PPARGC1A: variants seen among roughly 807,000 people sequenced by gnomAD.
PPARGC1A encodes PPARG coactivator 1 alpha.
Under a neutral mutation model 88.7 loss-of-function variants are expected in PPARGC1A, and 25 were observed. That is an observed-to-expected ratio of 0.28 (90% CI 0.21 to 0.39). The LOEUF (loss-of-function observed/expected upper bound fraction) is 0.39, where lower values mean the gene tolerates loss of function less well. Ranked by LOEUF, PPARGC1A falls within the 10% of genes least tolerant of loss-of-function variation. The pLI, the probability that PPARGC1A is intolerant of heterozygous loss-of-function variation, is 1.00. For synonymous variants in PPARGC1A, 363 were observed against 355.6 expected, an observed-to-expected ratio of 1.02 and a Z score of -0.24; for missense variants, 880 against 968.7, an observed-to-expected ratio of 0.91 and a Z score of 1.22.
the PPARGC1A span, among the ~76,000 whole-genome samples, chr4:24,441,627 C>T: frequency 2.6e-4 from 40 of 151,814 alleles, no homozygotes; most frequent in Non-Finnish European, 5.3e-4. Flanking sequence ...GTCACCCCTA[C>T]AGCCCTGGCT....
At chr4:24,209,208 C>T in the PPARGC1A span, among the ~76,000 whole-genome samples, 1 of 152,142 alleles carries the variant, frequency 6.6e-6, no homozygotes, top group Non-Finnish European at 1.5e-5. Flanking sequence ...CTGATGGATA[C>T]AGGTTGGAAC....
At chr4:24,122,385 ATGTGTG>A in the PPARGC1A span, among the ~76,000 whole-genome samples, 39 of 106,004 alleles carry the variant, frequency 3.7e-4, no homozygotes, top group East Asian at 1.3e-3. Context: ...GTGTATGCGT[ATGTGTG>A]TGTGTGTGTG....
At chr4:24,217,126 G>A in the PPARGC1A span, among the ~76,000 whole-genome samples, 1 of 152,156 alleles carries the variant, frequency 6.6e-6, no homozygotes. Flanking sequence ...GTGAGCTAAG[G>A]ACATGAAGAG....
chr4:24,328,841 T>G, the PPARGC1A span, among the ~76,000 whole-genome samples: 1,005 of 152,312 alleles, frequency 6.6e-3, 14 homozygotes, highest in African/African-American at 0.022. Flanking sequence ...GCTTGGCCAT[T>G]CAGTCCATGA....
chr4:24,453,450 G>A, the PPARGC1A span, among the ~76,000 whole-genome samples: 1 of 152,338 alleles, frequency 6.6e-6, no homozygotes, highest in African/African-American at 2.4e-5. Context: ...AGCAAGAGAT[G>A]CAGGTCGACT....
chr4:23,834,576 T>G (rs1380428297), intron 2 of PPARGC1A, among the ~76,000 whole-genome samples: 1 of 152,064 alleles, frequency 6.6e-6, no homozygotes, highest in Non-Finnish European at 1.5e-5. Flanking sequence ...TGCCACCTAC[T>G]TCCATAAACT....
At chr4:24,387,794 A>G in the PPARGC1A span, among the ~76,000 whole-genome samples, 249 of 107,542 alleles carry the variant, frequency 2.3e-3, no homozygotes, top group African/African-American at 3.5e-3. Context: ...GAAAGAAAGA[A>G]AGAAAGAAAG....
chr4:24,430,460 A>C, the PPARGC1A span, among the ~76,000 whole-genome samples: 1 of 151,336 alleles, frequency 6.6e-6, no homozygotes, highest in Admixed American at 6.6e-5. Context: ...ACGGGGTTTC[A>C]CCGTGTTAGC....
the PPARGC1A span, among the ~76,000 whole-genome samples, chr4:24,108,503 G>A: frequency 0.02 from 3,098 of 152,162 alleles, 56 homozygotes; most frequent in Middle Eastern, 0.044. Flanking sequence ...AAATCAGGAG[G>A]TGGGCACCTA....
At position 23,825,439 on chromosome 4, in the gene PPARGC1A, A is replaced by G. The variant is rs572492041; in HGVS notation, c.758-931T>C. On this transcript the variant is annotated intron_variant, in intron 5 of 12. Transcript: ENST00000264867. Reference sequence around the variant, plus strand: ...GGTAGTTATTTATGTAATGAAAATCATAGTGTCAAAACCAAAAAGGTCTTT... The same window carrying G: ...GGTAGTTATTTATGTAATGAAAATCGTAGTGTCAAAACCAAAAAGGTCTTT... 3.9e-5 allele frequency among the ~76,000 whole-genome samples: 6 copies of G among 152,252 alleles called. No individual in the cohort carries two copies. In the South Asian group the frequency reaches 1.0e-3, roughly 26 times the overall value.
At chr4:23,843,355 A>G (rs1202501869) in intron 2 of PPARGC1A, among the ~76,000 whole-genome samples, 1 of 152,084 alleles carries the variant, frequency 6.6e-6, no homozygotes, top group African/African-American at 2.4e-5. Context: ...TGGGGTCCTG[A>G]GTACATCACT....
the PPARGC1A span, among the ~76,000 whole-genome samples, chr4:24,384,492 A>T: frequency 6.6e-6 from 1 of 151,680 alleles, no homozygotes; most frequent in Admixed American, 6.6e-5. Context: ...GACCCATCTC[A>T]CATGCAAAGA....
chr4:24,019,980 A>G, the PPARGC1A span, among the ~76,000 whole-genome samples: 18 of 152,324 alleles, frequency 1.2e-4, no homozygotes, highest in Non-Finnish European at 7.3e-5. Flanking sequence ...GCAACTGGCT[A>G]ATCAGCACAC....
chr4:24,360,919 G>A, the PPARGC1A span, among the ~76,000 whole-genome samples: 4 of 152,102 alleles, frequency 2.6e-5, no homozygotes, highest in African/African-American at 4.8e-5. Context: ...TCTAGTTCAT[G>A]GTAAGAATTC....
At chr4:24,365,408 C>T in the PPARGC1A span, among the ~76,000 whole-genome samples, 22 of 152,208 alleles carry the variant, frequency 1.4e-4, no homozygotes, top group African/African-American at 5.3e-4. Context: ...AAAATTGAAA[C>T]AATGGCAATG....
the PPARGC1A span, among the ~76,000 whole-genome samples, chr4:24,320,180 G>A: frequency 6.6e-6 from 1 of 152,170 alleles, no homozygotes; most frequent in East Asian, 1.9e-4. Context: ...GTGAATCACT[G>A]CCACAATGCT....
chr4:24,152,660 C>T, the PPARGC1A span, among the ~76,000 whole-genome samples: 5 of 152,156 alleles, frequency 3.3e-5, no homozygotes, highest in South Asian at 2.1e-4. Flanking sequence ...CCAATCACTA[C>T]GAACAGCATT....
the PPARGC1A span, among the ~76,000 whole-genome samples, chr4:24,229,359 G>T: frequency 6.7e-6 from 1 of 149,704 alleles, no homozygotes; most frequent in South Asian, 2.2e-4. Flanking sequence ...ATGTTGGCCA[G>T]GCTGGTCTCG....
chr4:24,163,736 C>T, the PPARGC1A span, among the ~76,000 whole-genome samples: 3 of 152,314 alleles, frequency 2.0e-5, no homozygotes, highest in South Asian at 6.2e-4. Flanking sequence ...CTTCTGCTTC[C>T]TACTTACAGA....
Sources: gnomAD v4.1 joint callset for allele counts (sites outside exome capture counted in the v4.1 genomes callset) on GRCh38, gnomAD v4.1.1 for gene constraint, MANE v1.5 for transcripts, NCBI Gene and HGNC (gene_info 2026-07-23, HGNC 2026-07-21) for gene names.